TMEM176A: variants seen among roughly 807,000 people sequenced by gnomAD.
TMEM176A encodes the protein hepatocellular carcinoma-associated antigen 112.
TMEM176A carries 20 observed loss-of-function variants against 27.9 expected under a neutral mutation model. The ratio of observed to expected loss-of-function variants is 0.72; its 90% CI spans 0.50 to 1.04. The LOEUF (loss-of-function observed/expected upper bound fraction) is 1.04. TMEM176A is among the 50% of genes least tolerant of loss of function. The pLI is 0.00. For synonymous variants in TMEM176A, 125 were observed against 118.0 expected (o/e 1.06, Z -0.38); for missense variants, 252 against 289.1 (o/e 0.87, Z 0.93).
intron 4 of TMEM176A, 42 bp downstream of exon 4, chr7:150,803,498 T>G: frequency 1.3e-6 from 2 of 1,574,984 alleles, no homozygotes; most frequent in East Asian, 4.5e-5. Context: ...AGGTTCAGGC[T>G]GGAGGTCACC....
chr7:150,800,882 C>T (rs1798756488), intron 1 of TMEM176A, 54 bp downstream of exon 1: 2 of 984,520 alleles, frequency 2.0e-6, no homozygotes, highest in Non-Finnish European at 1.2e-6. Flanking sequence ...GCACGCACCC[C>T]GAGCTGCCTC....
intron 2 of TMEM176A, 85 bp downstream of exon 2, chr7:150,801,809 GAAC>G: frequency 7.8e-7 from 1 of 1,284,356 alleles, no homozygotes; most frequent in Non-Finnish European, 1.0e-6. Flanking sequence ...GCCTCCCTCT[GAAC>G]AGGACACCGA....
chr7:150,801,006 C>A, intron 1 of TMEM176A, 178 bp downstream of exon 1: 1 of 985,468 alleles, frequency 1.0e-6, no homozygotes. Context: ...CGCACCGCAG[C>A]GCGGTCCTTC....
chr7:150,802,403 G>A (rs1798830143), intron 3 of TMEM176A, 78 bp downstream of exon 3: 5 of 1,276,284 alleles, frequency 3.9e-6, no homozygotes, highest in South Asian at 2.5e-5. Context: ...CCTCCAACAT[G>A]GCGCCACAGA....
chr7:150,805,001 G>C lies in TMEM176A; in HGVS notation c.*133G>C. Reference sequence around the variant, plus strand: ...CAGTTATCCTGGCCCCATGACCGTGGCCACAGCCCTGCTCCAGCAGCACTT... The same window carrying C: ...CAGTTATCCTGGCCCCATGACCGTGCCCACAGCCCTGCTCCAGCAGCACTT... On this transcript the variant is annotated 3_prime_UTR_variant, in exon 7 of 7. Transcript: ENST00000004103. The C allele has an allele frequency of 1.1e-6, 1 of 912,072 alleles. No homozygotes were observed. 56.5% of individuals were successfully genotyped at this position (912,072 alleles called of 1,614,324 possible).
In TMEM176A at chr7:150,804,959, AG is replaced by A. The variant is rs1798891870; in HGVS notation, c.*93del. On this transcript the variant is annotated 3_prime_UTR_variant, in exon 7 of 7. Coordinates refer to ENST00000004103, the MANE Select transcript of TMEM176A (RefSeq NM_018487.3). Reference sequence around the variant, plus strand: ...GAAGAAGAACCAGACTGAGGAAAAGAGGCTCTTCAACAGCCCCAGTTATCCT... The same window carrying A: ...GAAGAAGAACCAGACTGAGGAAAAGAGCTCTTCAACAGCCCCAGTTATCCT... 7.1e-7 allele frequency: 1 copy of A among 1,411,590 alleles called. No individual in the cohort carries two copies. The highest frequency in any genetic ancestry group is 1.0e-6 in the Non-Finnish European group (1 of 997,930). 87.4% of individuals were successfully genotyped at this position (1,411,590 alleles called of 1,614,324 possible). A position where few individuals can be genotyped will look rare whatever the true frequency, so the allele number is the denominator to read the frequency against.
chr7:150,802,457 G>C (rs1378824599), intron 3 of TMEM176A, 132 bp downstream of exon 3: 2 of 848,544 alleles, frequency 2.4e-6, no homozygotes, highest in Non-Finnish European at 3.7e-6. Flanking sequence ...ACCATTCCCT[G>C]CCTGTTCAGA....
intron 3 of TMEM176A, chr7:150,802,814 G>T (rs1798843689): frequency 1.0e-6 from 1 of 991,184 alleles, no homozygotes; most frequent in Non-Finnish European, 1.2e-6. Context: ...TACACTCTCA[G>T]AATAGCACTA....
chr7:150,802,004 C>A (rs554014572), intron 2 of TMEM176A: 44 of 612,452 alleles, frequency 7.2e-5, no homozygotes, highest in Non-Finnish European at 9.4e-5. Flanking sequence ...GCTCTCCTCT[C>A]CTTCCTTTCC....
chr7:150,801,859 T>C (rs900231428), intron 2 of TMEM176A, 135 bp downstream of exon 2: 2 of 961,946 alleles, frequency 2.1e-6, no homozygotes, highest in Non-Finnish European at 3.0e-6. Context: ...TGTGATTCTC[T>C]GGCCTTCTCA....
rs554874792 is a variant in TMEM176A at position 150,803,915 on chromosome 7, C to T, written c.555+83C>T. The T allele has an allele frequency of 8.4e-5, 109 of 1,299,942 alleles. No individual in the cohort carries two copies. The African/African-American group carries it at 1.3e-3, about 15-fold the overall frequency. 80.5% of individuals were successfully genotyped at this position (1,299,942 alleles called of 1,614,324 possible). A position where few individuals can be genotyped will look rare whatever the true frequency, so the allele number is the denominator to read the frequency against. ...CAGGGGCAAGAGTCAGGTTCTCCAC[C>T]AGAAATAGGTGTTACCTATTCTGCA... On this transcript the variant is annotated intron_variant, in intron 5 of 6. Coordinates refer to ENST00000004103, the MANE Select transcript of TMEM176A (RefSeq NM_018487.3).
intron 1 of TMEM176A, chr7:150,801,100 C>A: frequency 1.7e-6 from 1 of 584,048 alleles, no homozygotes; most frequent in Non-Finnish European, 2.2e-6. Flanking sequence ...ATGGGGGTAT[C>A]CGGAGCGCAG....
At position 150,802,326 on chromosome 7, in the gene TMEM176A, G is replaced by T. The variant is rs1243180697; in HGVS notation, c.285+1G>T. 15 of 1,613,776 alleles carry T rather than the reference G, an allele frequency of 9.3e-6. No homozygotes were observed. In the South Asian group the frequency reaches 1.6e-4, roughly 18 times the overall value. On this transcript the variant is annotated splice_donor_variant, in intron 3 of 6. Coordinates refer to ENST00000004103, the MANE Select transcript of TMEM176A (RefSeq NM_018487.3). LOFTEE classifies it high-confidence loss of function. ...AGCTGCCATCTGGACAGGGGCTGTGGTGAGTAGAGCAGGACAGTGCTTGAC... is the reference window on the plus strand; with the variant it reads ...AGCTGCCATCTGGACAGGGGCTGTGTTGAGTAGAGCAGGACAGTGCTTGAC...
rs751844229 is a variant in TMEM176A at position 150,804,394 on chromosome 7, G to GGGTGTCTGGATTCTGCTGCTTCT, written c.591_613dup (p.Ala205ValfsTer11). On this transcript the variant is annotated frameshift_variant, in exon 6 of 7. Transcript: ENST00000004103. LOFTEE classifies it high-confidence loss of function. ...TCAGAACCCTTCAGGCCATGCTCTTGGGTGTCTGGATTCTGCTGCTTCTGG... is the reference window on the plus strand; with the variant it reads ...TCAGAACCCTTCAGGCCATGCTCTTGGGTGTCTGGATTCTGCTGCTTCTGGTGTCTGGATTCTGCTGCTTCTGG... 5 of 1,614,040 alleles carry GGGTGTCTGGATTCTGCTGCTTCT rather than the reference G, an allele frequency of 3.1e-6. No individual in the cohort carries two copies. Among genetic ancestry groups the GGGTGTCTGGATTCTGCTGCTTCT allele is most frequent in the Non-Finnish European group, 4.2e-6 (5 of 1,180,038 alleles).
intron 6 of TMEM176A, 41 bp from the exon 7 acceptor site, chr7:150,804,786 C>G (rs1370845031): frequency 1.9e-6 from 3 of 1,611,098 alleles, no homozygotes; most frequent in African/African-American, 1.3e-5. Flanking sequence ...TCCGCCCTTT[C>G]TCTCCCACTC....
Position 150,804,983 on chromosome 7 carries a change from C to A in TMEM176A, c.*115C>A, listed in dbSNP as rs549540477. ...GAGGCTCTTCAACAGCCCCAGTTAT[C>A]CTGGCCCCATGACCGTGGCCACAGC... On this transcript the variant is annotated 3_prime_UTR_variant, in exon 7 of 7. Coordinates refer to ENST00000004103, the MANE Select transcript of TMEM176A (RefSeq NM_018487.3). The A allele has an allele frequency of 1.7e-6, 2 of 1,151,296 alleles. No individual in the cohort carries two copies. Among genetic ancestry groups the A allele is most frequent in the African/African-American group, 1.5e-5 (1 of 65,998 alleles). The allele number at this position is 1,151,296 out of a possible 1,614,324, so 71.3% of individuals were successfully genotyped here. A position where few individuals can be genotyped will look rare whatever the true frequency, so the allele number is the denominator to read the frequency against.
In TMEM176A at chr7:150,803,845, G is replaced by A; in HGVS notation, c.555+13G>A. On this transcript the variant is annotated intron_variant, in intron 5 of 6. Coordinates refer to ENST00000004103, the MANE Select transcript of TMEM176A (RefSeq NM_018487.3). ...GGACATGCTGAAGGTAGGTGGCCAA[G>A]GGGAAGGGGCAGCAGCAGGTGGGGC... The A allele has an allele frequency of 6.2e-7, 1 of 1,612,802 alleles. No homozygotes were observed. Among genetic ancestry groups the A allele is most frequent in the East Asian group, 2.2e-5 (1 of 44,874 alleles).
At chr7:150,800,882 C>G in intron 1 of TMEM176A, 54 bp downstream of exon 1, 3 of 984,520 alleles carry the variant, frequency 3.0e-6, no homozygotes, top group Admixed American at 6.1e-5. Context: ...GCACGCACCC[C>G]GAGCTGCCTC....
intron 2 of TMEM176A, 105 bp from the exon 3 acceptor site, chr7:150,802,110 T>TTC (rs1373634649): frequency 7.6e-6 from 6 of 786,562 alleles, no homozygotes; most frequent in East Asian, 2.5e-5. Flanking sequence ...TCTTCTTTCT[T>TTC]TCTCTCTCTC....
Sources: allele counts gnomAD v4.1 joint callset, GRCh38; gene constraint gnomAD v4.1.1; transcripts MANE v1.5; gene names NCBI Gene and HGNC (gene_info 2026-07-23, HGNC 2026-07-21).